COL11A1: variants seen among roughly 807,000 people sequenced by gnomAD.
COL11A1 encodes the protein collagen type XI alpha 1 chain.
In COL11A1, 74 loss-of-function variants were observed where a neutral mutation model predicts 265.2. That is an observed-to-expected ratio of 0.28 (90% CI 0.23 to 0.34). COL11A1 has a LOEUF of 0.34. Among genes scored for constraint, COL11A1 ranks in the 10% least tolerant of loss-of-function variants. The pLI, the probability that COL11A1 is intolerant of heterozygous loss-of-function variation, is 1.00. For synonymous variants in COL11A1, 816 were observed against 727.6 expected (o/e 1.12, Z -1.96); for missense variants, 2,165 against 2,263.6 (o/e 0.96, Z 0.88).
chr1:102,934,404 A>T, intron 46 of COL11A1, 45 bp downstream of exon 46: 1 of 1,374,892 alleles, frequency 7.3e-7, no homozygotes, highest in Non-Finnish European at 1.0e-6. Flanking sequence ...ACCTGGTGAG[A>T]AGTAGGTAGA....
chr1:102,962,678 C>A lies in COL11A1; in HGVS notation c.2999G>T (p.Gly1000Val). ...PGPPGEQGLP[G>V]AAGKEGAKGD... ...CTTTGCACCTTCTTTTCCTGCAGCA[C>A]CAGGAAGACCTTGCTCACCAGGAGG... The change falls in exon 39 of 67, where the codon GGT becomes GTT. Residue 1000 changes from glycine to valine, a missense_variant. By Grantham distance (109) the Gly-to-Val change is moderately radical. Coordinates refer to ENST00000370096, the MANE Select transcript of COL11A1 (RefSeq NM_001854.4). 6.2e-7 allele frequency: 1 copy of A among 1,614,108 alleles called. No homozygotes were observed. Among genetic ancestry groups the A allele is most frequent in the Non-Finnish European group, 8.5e-7 (1 of 1,180,010 alleles).
chr1:103,001,724 C>A, intron 24 of COL11A1: 1 of 605,554 alleles, frequency 1.7e-6, no homozygotes, highest in South Asian at 2.2e-5. Flanking sequence ...TAAATGGTAA[C>A]TGAAGTTTTA....
chr1:102,905,279 C>T (rs773067614), intron 54 of COL11A1, among the ~76,000 whole-genome samples: 30 of 149,156 alleles, frequency 2.0e-4, no homozygotes, highest in Admixed American at 8.0e-4. Context: ...TGCTAAATGA[C>T]GAGTTACTGG....
Position 102,877,710 on chromosome 1 carries a change from A to G in COL11A1, c.*309T>C, listed in dbSNP as rs910554206. ...AGAATGAGCACCATATTTTTTATGA[A>G]TATATATTTTTCTTTTTTTGTTTTC... On this transcript the variant is annotated 3_prime_UTR_variant, in exon 67 of 67. Coordinates refer to ENST00000370096, the MANE Select transcript of COL11A1 (RefSeq NM_001854.4). 6.6e-6 allele frequency: 2 copies of G among 304,118 alleles called. No individual in the cohort carries two copies. The highest frequency in any genetic ancestry group is 4.4e-5 in the African/African-American group (2 of 45,814). The allele number at this position is 304,118 out of a possible 1,614,324, so 18.8% of individuals were successfully genotyped here.
chr1:102,882,909 C>T (rs112644018), intron 64 of COL11A1, among the ~76,000 whole-genome samples: 89 of 152,176 alleles, frequency 5.8e-4, no homozygotes, highest in African/African-American at 2.1e-3. Context: ...ACTTTAGTGG[C>T]ACTAAAATTT....
chr1:103,035,156 A>G (rs775255073), intron 4 of COL11A1, among the ~76,000 whole-genome samples: 18 of 152,100 alleles, frequency 1.2e-4, no homozygotes, highest in Admixed American at 2.6e-4. Flanking sequence ...TATTTGAAAT[A>G]GCAGGGCCTT....
chr1:102,961,745 T>C, intron 41 of COL11A1, 121 bp downstream of exon 41: 1 of 874,546 alleles, frequency 1.1e-6, no homozygotes, highest in South Asian at 1.4e-5. Context: ...CATTGACTGA[T>C]TTGATTGACA....
chr1:102,980,574 A>G (rs1190488411), intron 31 of COL11A1, among the ~76,000 whole-genome samples: 1 of 152,130 alleles, frequency 6.6e-6, no homozygotes, highest in Non-Finnish European at 1.5e-5. Context: ...CTCTGTGAGA[A>G]TACTAGACAT....
intron 8 of COL11A1, 89 bp from the exon 9 acceptor site, chr1:103,021,858 C>A: frequency 9.6e-7 from 1 of 1,045,238 alleles, no homozygotes; most frequent in South Asian, 1.3e-5. Flanking sequence ...TTCTTTCTTT[C>A]TTTTTTGAAG....
chr1:102,886,440 AATC>A (rs1322937688), intron 63 of COL11A1, among the ~76,000 whole-genome samples: 1 of 152,188 alleles, frequency 6.6e-6, no homozygotes, highest in Non-Finnish European at 1.5e-5. Flanking sequence ...CTAAAATAAT[AATC>A]ATATTAATGT....
At chr1:102,905,171 A>G (rs1653776075) in intron 54 of COL11A1, among the ~76,000 whole-genome samples, 1 of 143,370 alleles carries the variant, frequency 7.0e-6, no homozygotes. Flanking sequence ...GGAACTGAAC[A>G]ATGAGAACAC....
At chr1:103,018,623 A>C (rs985368838) in intron 10 of COL11A1, among the ~76,000 whole-genome samples, 195 bp downstream of exon 10, 1 of 152,220 alleles carries the variant, frequency 6.6e-6, no homozygotes, top group African/African-American at 2.4e-5. Context: ...AAAAATATTT[A>C]AAACAAAATT....
chr1:102,939,681 C>T lies in COL11A1; in HGVS notation c.3385-593G>A, dbSNP rs146714163. The stretch of plus-strand genomic sequence containing the variant: ...TTGCACCACTGCACTCCAGCCTGGG[C>T]GACAAAAAAAGACTCTCTCTCTCAA... On this transcript the variant is annotated intron_variant, in intron 43 of 66. Transcript: ENST00000370096. Among the ~76,000 whole-genome samples the T allele has an allele frequency of 6.5e-3, 856 of 130,726 alleles. 10 individuals are homozygous for T. The highest frequency in any genetic ancestry group is 7.2e-3 in the Non-Finnish European group (428 of 59,512). 85.8% of individuals were successfully genotyped at this position (130,726 alleles called of 152,430 possible).
intron 46 of COL11A1, among the ~76,000 whole-genome samples, chr1:102,925,908 T>C (rs1656542554): frequency 1.3e-5 from 2 of 152,072 alleles, no homozygotes; most frequent in Admixed American, 1.3e-4. Context: ...TTGTCCAGGT[T>C]TTCACACCCT....
intron 4 of COL11A1, among the ~76,000 whole-genome samples, chr1:103,051,667 T>C (rs956133514): frequency 1.3e-5 from 2 of 152,298 alleles, no homozygotes; most frequent in East Asian, 3.9e-4. Context: ...CAGTTGGAAA[T>C]GCAGAAATCA....
chr1:103,107,286 C>T (rs1452354991), intron 1 of COL11A1, among the ~76,000 whole-genome samples: 2 of 142,152 alleles, frequency 1.4e-5, no homozygotes, highest in East Asian at 4.9e-4. Context: ...CCCTCCCCTT[C>T]CCTCCCAATC....
chr1:102,918,047 A>C (rs1174958961), intron 49 of COL11A1, among the ~76,000 whole-genome samples: 1 of 151,526 alleles, frequency 6.6e-6, no homozygotes, highest in African/African-American at 2.4e-5. Context: ...AAATCATTGC[A>C]ACAAGACTAA....
chr1:102,969,871 G>C (rs2622852), intron 37 of COL11A1, among the ~76,000 whole-genome samples: 1 of 152,046 alleles, frequency 6.6e-6, no homozygotes, highest in South Asian at 2.1e-4. Context: ...TGATGGGTTT[G>C]AGTGGAATGT....
At chr1:102,878,876 A>C (rs778991967) in intron 66 of COL11A1, among the ~76,000 whole-genome samples, 2 of 152,172 alleles carry the variant, frequency 1.3e-5, no homozygotes, top group Non-Finnish European at 2.9e-5. Flanking sequence ...CTCTTACAGA[A>C]AAAGTTAAAT....
Sources: gnomAD v4.1 joint callset for allele counts (sites outside exome capture counted in the v4.1 genomes callset) on GRCh38, gnomAD v4.1.1 for gene constraint, MANE v1.5 for transcripts, NCBI Gene and HGNC (gene_info 2026-07-23, HGNC 2026-07-21) for gene names.